VWA2: variants seen among roughly 807,000 people sequenced by gnomAD.
The protein encoded by VWA2 is von Willebrand factor A domain containing 2.
VWA2 carries 73 observed loss-of-function variants against 70.4 expected under a neutral mutation model. The ratio of observed to expected loss-of-function variants is 1.04; its 90% CI spans 0.86 to 1.26. VWA2 has a LOEUF of 1.26. Ranked by LOEUF, VWA2 falls within the 50% of genes most tolerant of loss-of-function variation. The pLI, the probability that VWA2 is intolerant of heterozygous loss-of-function variation, is 0.00. For synonymous variants in VWA2, 407 were observed against 423.3 expected, an observed-to-expected ratio of 0.96 and a Z score of 0.47; for missense variants, 1,011 against 998.5, an observed-to-expected ratio of 1.01 and a Z score of -0.17.
rs990617160 is a variant in VWA2 at position 114,292,470 on chromosome 10, G to C, written c.*1233G>C. ...CTAGGTTTTAATTTTGTTTTGCTTT[G>C]CTTTTCTACACAGTTTTTAAAGAAA... On this transcript the variant is annotated 3_prime_UTR_variant, in exon 14 of 14. Coordinates refer to ENST00000392982, the MANE Select transcript of VWA2 (RefSeq NM_001272046.2). Among the ~76,000 whole-genome samples the C allele has an allele frequency of 2.6e-5, 4 of 151,396 alleles. No homozygotes were observed. Among genetic ancestry groups the C allele is most frequent in the Non-Finnish European group, 5.9e-5 (4 of 67,906 alleles).
chr10:114,254,793 C>T (rs1440681599), intron 3 of VWA2, 122 bp from the exon 4 acceptor site: 1 of 1,343,712 alleles, frequency 7.4e-7, no homozygotes, highest in Non-Finnish European at 1.0e-6. Flanking sequence ...CTGCAGTTCT[C>T]CCCTTTCATG....
chr10:114,256,637 G>A (rs1412103543), intron 4 of VWA2, among the ~76,000 whole-genome samples: 1 of 152,148 alleles, frequency 6.6e-6, no homozygotes, highest in Non-Finnish European at 1.5e-5. Flanking sequence ...GAGGCTGTGC[G>A]CGGTGGGTCA....
chr10:114,285,944 A>G lies in VWA2; in HGVS notation c.1003A>G (p.Lys335Glu). Residue 335 changes from lysine (K) to glutamate (E), a missense_variant, in exon 11 of 14, where the codon AAG (lysine) becomes GAG (glutamate). By Grantham distance (56) the Lys-to-Glu change is moderately conservative. Transcript: ENST00000392982. ...AFGGEANCALKLSLECRVDLL... is the reference protein window; with the variant it reads ...AFGGEANCALELSLECRVDLL... Reference sequence around the variant, plus strand: ...TGTTGCTGTGATCCCCGCAGCCCTGAAGCTGAGCCTGGAATGCAGGGTCGA... The same window carrying G: ...TGTTGCTGTGATCCCCGCAGCCCTGGAGCTGAGCCTGGAATGCAGGGTCGA... 1.3e-6 allele frequency: 2 copies of G among 1,592,420 alleles called. No individual in the cohort carries two copies. The highest frequency in any genetic ancestry group is 1.7e-6 in the Non-Finnish European group (2 of 1,165,620).
intron 6 of VWA2, 129 bp downstream of exon 6, chr10:114,273,063 CTT>C (rs1320725825): frequency 1.4e-6 from 1 of 729,658 alleles, no homozygotes; most frequent in Non-Finnish European, 2.1e-6. Context: ...CTTTTCCTCA[CTT>C]TGCCATTTTG....
chr10:114,245,297 G>C (rs1324238866), intron 1 of VWA2, among the ~76,000 whole-genome samples: 1 of 152,186 alleles, frequency 6.6e-6, no homozygotes, highest in African/African-American at 2.4e-5. Context: ...TAGCACGGAG[G>C]GAAGGGGACT....
chr10:114,240,786 A>G (rs2036961796), intron 1 of VWA2, among the ~76,000 whole-genome samples: 1 of 152,186 alleles, frequency 6.6e-6, no homozygotes, highest in Non-Finnish European at 1.5e-5. Context: ...AGAGCTCCTC[A>G]GGCCTTACTC....
chr10:114,286,974 G>A (rs886372512), intron 11 of VWA2, among the ~76,000 whole-genome samples: 6 of 152,146 alleles, frequency 3.9e-5, no homozygotes, highest in Non-Finnish European at 7.4e-5. Flanking sequence ...ATGCACACGC[G>A]CTGGTGCAGC....
At chr10:114,274,026 C>T (rs1213595967) in intron 6 of VWA2, among the ~76,000 whole-genome samples, 2 of 152,138 alleles carry the variant, frequency 1.3e-5, no homozygotes, top group African/African-American at 2.4e-5. Context: ...GAGGAGTAAG[C>T]CTTCCAAATA....
Position 114,272,753 on chromosome 10 carries a change from G to C in VWA2, c.385G>C (p.Glu129Gln), listed in dbSNP as rs766522641. The C allele has an allele frequency of 1.9e-6, 3 of 1,607,184 alleles. No homozygotes were observed. In the South Asian group the frequency reaches 3.3e-5, roughly 18 times the overall value. ...KRMVFKGGRT[E>Q]TELALKYLLH... ...GGGTGTGCACAGAGGAGGGCGCACG[G>C]AGACGGAACTTGCTCTGAAATACCT... Residue 129 changes from glutamate to glutamine, a missense_variant, in exon 6 of 14, where the codon GAG becomes CAG. By Grantham distance (29) the Glu-to-Gln change is conservative (BLOSUM62 2). Coordinates refer to ENST00000392982, the MANE Select transcript of VWA2 (RefSeq NM_001272046.2).
At chr10:114,280,275 C>G (rs61869892) in intron 8 of VWA2, among the ~76,000 whole-genome samples, 35 of 152,312 alleles carry the variant, frequency 2.3e-4, no homozygotes, top group Non-Finnish European at 4.9e-4. Context: ...TCACCCAGGT[C>G]CTGGGAAATC....
rs1297186245 is a variant in VWA2, at chr10:114,248,717, C to A, written c.4C>A (p.Pro2Thr). 4 of 1,613,188 alleles carry A rather than the reference C, an allele frequency of 2.5e-6. No individual in the cohort carries two copies. The South Asian group carries it at 3.3e-5, about 13-fold the overall frequency. The change falls in exon 2 of 14, where the codon CCC (proline) becomes ACC (threonine). Residue 2 changes from proline (P) to threonine (T), a missense_variant. Coordinates refer to ENST00000392982, the MANE Select transcript of VWA2 (RefSeq NM_001272046.2). M[P>T]PFLLLEAVCV... is the part of the protein sequence containing the mutation. ...GTGTCCCTGTAGTTATATCAACATG[C>A]CCCCTTTCCTGTTGCTGGAAGCCGT... is the stretch of plus-strand genomic sequence containing the variant.
chr10:114,288,622 GA>G (rs1215514675), intron 11 of VWA2, among the ~76,000 whole-genome samples: 2 of 152,250 alleles, frequency 1.3e-5, no homozygotes, highest in Non-Finnish European at 2.9e-5. Flanking sequence ...GGAAGGGGGA[GA>G]GGGGAAGTGG....
intron 9 of VWA2, 92 bp downstream of exon 9, chr10:114,282,663 T>C (rs1219500938): frequency 2.5e-6 from 3 of 1,177,774 alleles, no homozygotes; most frequent in African/African-American, 3.0e-5. Context: ...GGACAGAGGG[T>C]GGGGTTGTGA....
At chr10:114,272,986 C>T (rs758080261) in intron 6 of VWA2, 52 bp downstream of exon 6, 15 of 1,505,152 alleles carry the variant, frequency 1.0e-5, no homozygotes, top group South Asian at 1.3e-5. Context: ...GCCTGGGGAT[C>T]GTGACATGGC....
At chr10:114,267,112 TTTTC>T (rs1347075645) in intron 5 of VWA2, among the ~76,000 whole-genome samples, 4 of 152,328 alleles carry the variant, frequency 2.6e-5, no homozygotes, top group Non-Finnish European at 5.9e-5. Flanking sequence ...GTGGGTTTTC[TTTTC>T]TTTCTTTTTC....
chr10:114,257,297 G>A (rs188339578), intron 4 of VWA2, among the ~76,000 whole-genome samples: 6 of 152,294 alleles, frequency 3.9e-5, no homozygotes, highest in Admixed American at 3.9e-4. Flanking sequence ...CTCTGCACAG[G>A]ACCCTGCTTT....
At chr10:114,259,938 C>A (rs1029358653) in intron 4 of VWA2, among the ~76,000 whole-genome samples, 1 of 152,172 alleles carries the variant, frequency 6.6e-6, no homozygotes. Context: ...CCAGCTGATC[C>A]GGAGCAGATG....
chr10:114,274,052 G>A (rs1010928037), intron 6 of VWA2, among the ~76,000 whole-genome samples: 20 of 152,204 alleles, frequency 1.3e-4, no homozygotes, highest in African/African-American at 4.8e-4. Context: ...GGAAGGCAGG[G>A]CAAAGCAGGC....
chr10:114,273,130 G>T (rs867491513), intron 6 of VWA2, among the ~76,000 whole-genome samples, 196 bp downstream of exon 6: 1 of 152,124 alleles, frequency 6.6e-6, no homozygotes. Context: ...CATTGATTTT[G>T]GTTTTGTTTG....
Sources: gnomAD v4.1 joint callset for allele counts (sites outside exome capture counted in the v4.1 genomes callset) on GRCh38, gnomAD v4.1.1 for gene constraint, MANE v1.5 for transcripts, NCBI Gene and HGNC (gene_info 2026-07-23, HGNC 2026-07-21) for gene names.